Variants in USO1 observed in about 807,000 individuals in gnomAD.
USO1 encodes the protein USO1 vesicle transport factor, also known as general vesicular transport factor p115.
In USO1, 57 loss-of-function variants were observed where a neutral mutation model predicts 124.5. That is an observed-to-expected ratio of 0.46 (90% CI 0.37 to 0.57). The LOEUF (loss-of-function observed/expected upper bound fraction) is 0.57, where lower values mean the gene tolerates loss of function less well. Ranked by LOEUF, USO1 falls within the 20% of genes least tolerant of loss-of-function variation. The pLI is 0.00. For missense variants in USO1, 900 were observed against 1,040.6 expected (o/e 0.86, Z 1.86); for synonymous variants, 369 against 362.8 (o/e 1.02, Z -0.19).
intron 7 of USO1, among the ~76,000 whole-genome samples, chr4:75,773,520 C>A (rs533203747): frequency 1.3e-5 from 2 of 152,154 alleles, no homozygotes; most frequent in South Asian, 4.1e-4. Context: ...GTAGGGCAAC[C>A]AATTTTTTAT....
At chr4:75,749,321 T>A (rs1460264512) in intron 1 of USO1, among the ~76,000 whole-genome samples, 2 of 152,104 alleles carry the variant, frequency 1.3e-5, no homozygotes, top group African/African-American at 4.8e-5. Flanking sequence ...TTAATTCAGA[T>A]ACGTAGGGTG....
At chr4:75,805,076 C>T (rs1295854852) in intron 18 of USO1, 64 bp from the exon 19 acceptor site, 16 of 1,485,360 alleles carry the variant, frequency 1.1e-5, no homozygotes, top group Non-Finnish European at 1.4e-5. Flanking sequence ...TTTGAATCTT[C>T]TACTTCAAAA....
At chr4:75,733,270 T>A (rs1161080807) in intron 1 of USO1, among the ~76,000 whole-genome samples, 1 of 151,516 alleles carries the variant, frequency 6.6e-6, no homozygotes, top group Non-Finnish European at 1.5e-5. Context: ...AAAAAAAAAT[T>A]AAAAAAAATA....
At chr4:75,742,336 G>A (rs748041863) in intron 1 of USO1, among the ~76,000 whole-genome samples, 8 of 152,204 alleles carry the variant, frequency 5.3e-5, no homozygotes, top group Non-Finnish European at 1.2e-4. Flanking sequence ...ACATCGGTAG[G>A]TGATAGGAAT....
chr4:75,731,080 T>C (rs1164691450), intron 1 of USO1, among the ~76,000 whole-genome samples: 1 of 152,168 alleles, frequency 6.6e-6, no homozygotes, highest in Middle Eastern at 3.2e-3. Context: ...AAGCAGTATA[T>C]TACTTGGCTG....
chr4:75,767,111 G>T (rs766501277), intron 4 of USO1, among the ~76,000 whole-genome samples: 12 of 151,942 alleles, frequency 7.9e-5, no homozygotes, highest in Non-Finnish European at 1.3e-4. Flanking sequence ...TGTCTCCTTC[G>T]CAGTTTTCCT....
intron 13 of USO1, among the ~76,000 whole-genome samples, chr4:75,795,045 T>C (rs1208169438): frequency 2.0e-5 from 3 of 152,196 alleles, no homozygotes; most frequent in African/African-American, 7.2e-5. Context: ...CACTTTAACA[T>C]TGAAATTACA....
chr4:75,781,293 A>C (rs1722214818), intron 8 of USO1, among the ~76,000 whole-genome samples: 1 of 152,192 alleles, frequency 6.6e-6, no homozygotes, highest in Admixed American at 6.5e-5. Context: ...AAACTTCAAC[A>C]GATGAGGGGT....
chr4:75,799,724 G>C lies in USO1; in HGVS notation c.1555G>C (p.Val519Leu). 6.2e-7 allele frequency: 1 copy of C among 1,613,582 alleles called. No individual in the cohort carries two copies. The highest frequency in any genetic ancestry group is 1.1e-5 in the South Asian group (1 of 91,042). The change falls in exon 14 of 24, where the codon GTT (valine) becomes CTT (leucine). Residue 519 changes from valine (V) to leucine (L), a missense_variant. Physicochemically the swap from Val to Leu is conservative, Grantham distance 32. Coordinates refer to ENST00000514213, the MANE Select transcript of USO1 (RefSeq NM_003715.4). ...VTHFLHNSAN[V>L]PFLTGQIAEN... ...GCATTTTCTTCACAATTCAGCCAAT[G>C]TTCCATTTGTATCCTTTATGTTTTA... is the stretch of plus-strand genomic sequence containing the variant.
intron 1 of USO1, among the ~76,000 whole-genome samples, chr4:75,741,535 C>T (rs1053015079): frequency 1.3e-5 from 2 of 149,302 alleles, no homozygotes; most frequent in African/African-American, 2.5e-5. Context: ...ACACATTGTA[C>T]GATATTTTTC....
chr4:75,774,331 T>C (rs1722013710), intron 7 of USO1, among the ~76,000 whole-genome samples: 1 of 152,242 alleles, frequency 6.6e-6, no homozygotes, highest in Non-Finnish European at 1.5e-5. Flanking sequence ...TACAGTGGCA[T>C]TCCTGAGACA....
chr4:75,760,421 CTT>C (rs896134524), intron 4 of USO1, among the ~76,000 whole-genome samples: 2 of 152,172 alleles, frequency 1.3e-5, no homozygotes, highest in African/African-American at 4.8e-5. Flanking sequence ...TGCTAAATCT[CTT>C]TTAGTATATC....
chr4:75,724,972 G>T, intron 1 of USO1, 87 bp downstream of exon 1: 1 of 1,454,980 alleles, frequency 6.9e-7, no homozygotes. Flanking sequence ...GTCACCTCCA[G>T]CGTCCCACCA....
intron 4 of USO1, among the ~76,000 whole-genome samples, chr4:75,763,590 G>A (rs974875278): frequency 2.0e-5 from 3 of 151,836 alleles, no homozygotes; most frequent in Non-Finnish European, 2.9e-5. Flanking sequence ...TACTTAGAAC[G>A]GGCATTTTTT....
chr4:75,754,233 G>A (rs554540195), intron 3 of USO1, among the ~76,000 whole-genome samples: 3 of 151,964 alleles, frequency 2.0e-5, no homozygotes, highest in South Asian at 4.2e-4. Flanking sequence ...ACAGGCATGC[G>A]CCACCATGCC....
At chr4:75,778,289 C>T (rs1470225489) in intron 8 of USO1, among the ~76,000 whole-genome samples, 3 of 151,698 alleles carry the variant, frequency 2.0e-5, no homozygotes, top group Non-Finnish European at 2.9e-5. Flanking sequence ...ATTATATACT[C>T]GATTTTTACA....
At chr4:75,790,372 A>G in intron 11 of USO1, 134 bp downstream of exon 11, 4 of 1,258,422 alleles carry the variant, frequency 3.2e-6, no homozygotes, top group Non-Finnish European at 4.3e-6. Context: ...ATCTGACAAG[A>G]TAAATGATAT....
chr4:75,767,331 C>A lies in USO1; in HGVS notation c.296-3108C>A, dbSNP rs1256701135. Among the ~76,000 whole-genome samples the A allele has an allele frequency of 1.1e-4, 16 of 152,298 alleles. No homozygotes were observed. In the South Asian group the frequency reaches 3.1e-3, roughly 30 times the overall value. On this transcript the variant is annotated intron_variant, in intron 4 of 23. Transcript: ENST00000514213. ...TTCACTCAATATCTTTACTTAGATA[C>A]CCCCTAACACATACAGCTTTATTGA...
chr4:75,732,773 G>T (rs1006960627), intron 1 of USO1, among the ~76,000 whole-genome samples: 2 of 150,216 alleles, frequency 1.3e-5, no homozygotes, highest in Non-Finnish European at 2.9e-5. Context: ...CAGCTACTTG[G>T]GAAGCTGAGG....
Sources: allele counts gnomAD v4.1 joint callset (sites outside exome capture counted in the v4.1 genomes callset), GRCh38; gene constraint gnomAD v4.1.1; transcripts MANE v1.5; gene names NCBI Gene and HGNC (gene_info 2026-07-23, HGNC 2026-07-21).